The following SCN1A variants were observed in gnomAD, a reference collection of about 807,000 sequenced individuals.
SCN1A encodes sodium channel protein type 1 subunit alpha.
Under a neutral mutation model 193.7 loss-of-function variants are expected in SCN1A, and 13 were observed. The observed-to-expected ratio is 0.07, with a 90% CI of 0.04 to 0.11. SCN1A has a LOEUF of 0.11. Among genes scored for constraint, SCN1A ranks in the 10% least tolerant of loss-of-function variants. The pLI, the probability that SCN1A is intolerant of heterozygous loss-of-function variation, is 1.00. For synonymous variants in SCN1A, 781 were observed against 843.6 expected (o/e 0.93, Z 1.29); for missense variants, 1,432 against 2,451.1 (o/e 0.58, Z 8.78).
chr2:166,080,237 T>C (rs999344418), intron 2 of SCN1A, among the ~76,000 whole-genome samples: 1 of 151,762 alleles, frequency 6.6e-6, no homozygotes, highest in African/African-American at 2.4e-5. Flanking sequence ...AGTAACCTCA[T>C]AGAATCTGCA....
chr2:165,991,282 T>G lies in SCN1A; in HGVS notation c.5993A>C (p.Glu1998Ala). 1 of 1,613,552 alleles carries G rather than the reference T, an allele frequency of 6.2e-7. No homozygotes were observed. Among genetic ancestry groups the G allele is most frequent in the South Asian group, 1.1e-5 (1 of 91,048 alleles). ...RVTKPIVEKH[E>A]QEGKDEKAKG... ...GGCTTTTTCATCTTTGCCTTCTTGCTCATGTTTTTCCACAATTGGCTTTGT... is the reference window on the plus strand; with the variant it reads ...GGCTTTTTCATCTTTGCCTTCTTGCGCATGTTTTTCCACAATTGGCTTTGT... The change falls in exon 29 of 29, where the codon GAG (glutamate) becomes GCG (alanine). Residue 1998 changes from glutamate (E) to alanine (A), a missense_variant. Physicochemically the swap from Glu to Ala is moderately radical, Grantham distance 107 (BLOSUM62 -1). Transcript: ENST00000674923.
At chr2:166,043,538 T>C in intron 14 of SCN1A, 131 bp downstream of exon 14, 1 of 967,928 alleles carries the variant, frequency 1.0e-6, no homozygotes, top group Non-Finnish European at 1.5e-6. Flanking sequence ...CTATTAAAGA[T>C]ATTACAAGAT....
Position 165,993,788 on chromosome 2 carries a change from C to T in SCN1A, c.4852+358G>A, listed in dbSNP as rs569368183. ...CATGTCTATTCTCTAAAGCAATTTT[C>T]GTGAGTACCAGACTACATTTCTAGT... On this transcript the variant is annotated intron_variant, in intron 28 of 28. Coordinates refer to ENST00000674923, the MANE Select transcript of SCN1A (RefSeq NM_001165963.4). 13 of 286,658 alleles carry T rather than the reference C, an allele frequency of 4.5e-5. 1 individual carries two copies. In the South Asian group the frequency reaches 1.2e-3, roughly 26 times the overall value. The allele number at this position is 286,658 out of a possible 1,614,324, so 17.8% of individuals were successfully genotyped here. A position where few individuals can be genotyped will look rare whatever the true frequency, so the allele number is the denominator to read the frequency against.
At position 166,034,298 on chromosome 2, in the gene SCN1A, G is replaced by C. The variant is rs141332761; in HGVS notation, c.3429+1750C>G. Among the ~76,000 whole-genome samples, 630 of 152,258 alleles carry C rather than the reference G, an allele frequency of 4.1e-3. 3 individuals are homozygous for C. The highest frequency in any genetic ancestry group is 6.6e-3 in the Non-Finnish European group (447 of 68,006). ...CAATATTAGCCCCCTACTCCTAAAAGTGGAGGCTGACCTAGATTATTCAGA... is the reference window on the plus strand; with the variant it reads ...CAATATTAGCCCCCTACTCCTAAAACTGGAGGCTGACCTAGATTATTCAGA... On this transcript the variant is annotated intron_variant, in intron 19 of 28. Coordinates refer to ENST00000674923, the MANE Select transcript of SCN1A (RefSeq NM_001165963.4).
intron 2 of SCN1A, among the ~76,000 whole-genome samples, chr2:166,081,269 C>T (rs554636655): frequency 2.3e-4 from 35 of 152,042 alleles, no homozygotes; most frequent in African/African-American, 7.9e-4. Context: ...CAAATATGTA[C>T]GATAGCTCAC....
intron 2 of SCN1A, among the ~76,000 whole-genome samples, chr2:166,112,533 GTGTAATATCTCTGAGGTGTGCC>G (rs1689405928): frequency 6.6e-6 from 1 of 152,096 alleles, no homozygotes; most frequent in South Asian, 2.1e-4. Context: ...GGAACCAAAT[GTGTAATATCTCTGAGGTGTGCC>G]TGTATTTGGT....
At chr2:166,146,958 A>G (rs1416127325) in intron 1 of SCN1A, among the ~76,000 whole-genome samples, 1 of 152,244 alleles carries the variant, frequency 6.6e-6, no homozygotes, top group Non-Finnish European at 1.5e-5. Context: ...ATTTAACTAT[A>G]TACAGTAAAA....
intron 6 of SCN1A, 112 bp from the exon 7 acceptor site, chr2:166,054,878 C>A (rs1487150979): frequency 2.1e-6 from 2 of 945,448 alleles, no homozygotes; most frequent in East Asian, 2.6e-5. Context: ...GAAAACTAAG[C>A]AGATGGATTT....
chr2:166,139,375 A>G (rs1691991986), intron 1 of SCN1A, among the ~76,000 whole-genome samples: 1 of 152,120 alleles, frequency 6.6e-6, no homozygotes, highest in African/African-American at 2.4e-5. Flanking sequence ...GAGGTAATTG[A>G]ATCATGTGGG....
intron 2 of SCN1A, among the ~76,000 whole-genome samples, chr2:166,099,272 C>T (rs1321740278): frequency 6.6e-6 from 1 of 151,394 alleles, no homozygotes; most frequent in East Asian, 2.0e-4. Flanking sequence ...ACATGATTAT[C>T]TCAATAGATG....
At chr2:166,064,695 A>T (rs549825085) in intron 4 of SCN1A, among the ~76,000 whole-genome samples, 2 of 152,102 alleles carry the variant, frequency 1.3e-5, no homozygotes, top group Non-Finnish European at 2.9e-5. Context: ...CTTAACATTT[A>T]TTTCAATCTA....
At chr2:166,033,233 C>T (rs544407251) in intron 19 of SCN1A, among the ~76,000 whole-genome samples, 19 of 152,254 alleles carry the variant, frequency 1.2e-4, no homozygotes, top group Non-Finnish European at 2.4e-4. Flanking sequence ...ATTATCACTA[C>T]CTTCAAAAAG....
At chr2:166,105,963 G>A (rs1204097512) in intron 2 of SCN1A, among the ~76,000 whole-genome samples, 1 of 152,172 alleles carries the variant, frequency 6.6e-6, no homozygotes, top group Non-Finnish European at 1.5e-5. Flanking sequence ...CGAGGCGGGT[G>A]GATCACGAGG....
chr2:166,001,786 T>G (rs1690885867), intron 24 of SCN1A, among the ~76,000 whole-genome samples: 1 of 151,338 alleles, frequency 6.6e-6, no homozygotes, highest in Non-Finnish European at 1.5e-5. Flanking sequence ...CAAAATAGAC[T>G]TAAATAATGG....
chr2:166,068,945 T>C (rs10497279), intron 4 of SCN1A, among the ~76,000 whole-genome samples: 11,418 of 152,228 alleles, frequency 0.075, 1,149 homozygotes, highest in African/African-American at 0.23. Flanking sequence ...ATGATTCGTC[T>C]GTAATTTTAA....
Position 165,989,352 on chromosome 2 carries a change from T to C in SCN1A, c.*1893A>G, listed in dbSNP as rs915018068. The C allele has an allele frequency of 2.6e-5, 4 of 152,458 alleles. No homozygotes were observed. The highest frequency in any genetic ancestry group is 9.7e-5 in the African/African-American group (4 of 41,390). 9.4% of individuals were successfully genotyped at this position (152,458 alleles called of 1,614,324 possible). ...GTCCTGATGTAATTGACTATATAAG[T>C]TGACTACTCTGTTTTTGTGGAAAAA... On this transcript the variant is annotated 3_prime_UTR_variant, in exon 29 of 29. Coordinates refer to ENST00000674923, the MANE Select transcript of SCN1A (RefSeq NM_001165963.4).
At chr2:166,127,723 C>A (rs1401268290) in intron 1 of SCN1A, 48 bp downstream of exon 1, 1 of 152,090 alleles carries the variant, frequency 6.6e-6, no homozygotes, top group African/African-American at 2.4e-5. Flanking sequence ...AAAGGAATAA[C>A]TGGAATGAAT....
intron 5 of SCN1A, among the ~76,000 whole-genome samples, chr2:166,058,221 C>T (rs1699313259): frequency 6.6e-6 from 1 of 151,974 alleles, no homozygotes; most frequent in South Asian, 2.1e-4. Context: ...TATCATTGCT[C>T]ACTGAAAATT....
At position 166,036,310 on chromosome 2, in the gene SCN1A, T is replaced by C; in HGVS notation, c.3167A>G (p.Asn1056Ser). 1.2e-6 allele frequency: 2 copies of C among 1,613,724 alleles called. No homozygotes were observed. Among genetic ancestry groups the C allele is most frequent in the Non-Finnish European group, 1.7e-6 (2 of 1,179,766 alleles). Residue 1056 changes from asparagine to serine, a missense_variant, in exon 19 of 29, where the codon AAC (asparagine) becomes AGC (serine). Around this residue, in one of 18 missense-constraint regions of SCN1A, gnomAD observed 198 missense variants for 225.8 expected, o/e 0.88. Transcript: ENST00000674923. ...ATTGGACATACAACTGTCTTTCTTG[T>C]TGTTTAGATCATCAAGTGGTTTAAT... ...DEIKPLDDLN[N>S]KKDSCMSNHT...
Sources: allele counts gnomAD v4.1 joint callset (sites outside exome capture counted in the v4.1 genomes callset), GRCh38; gene constraint gnomAD v4.1.1; regional missense constraint gnomAD v4.1.1; transcripts MANE v1.5; gene names NCBI Gene and HGNC (gene_info 2026-07-23, HGNC 2026-07-21).